The following ZBTB8A variants were observed in gnomAD, a reference collection of about 807,000 sequenced individuals.
ZBTB8A encodes zinc finger and BTB domain containing 8A, also known as zinc finger and BTB domain-containing protein 8A.
In ZBTB8A, 19 loss-of-function variants were observed where a neutral mutation model predicts 37.8. That is an observed-to-expected ratio of 0.50 (90% CI 0.35 to 0.74). The LOEUF (loss-of-function observed/expected upper bound fraction) is 0.74. ZBTB8A is among the 30% of genes least tolerant of loss of function. The pLI, the probability that ZBTB8A is intolerant of heterozygous loss-of-function variation, is 0.01. For missense variants in ZBTB8A, 394 were observed against 537.8 expected (o/e 0.73, Z 2.65); for synonymous variants, 181 against 185.2 (o/e 0.98, Z 0.19).
intron 2 of ZBTB8A, among the ~76,000 whole-genome samples, chr1:32,555,280 A>T (rs1644192591): frequency 6.6e-6 from 1 of 151,986 alleles, no homozygotes; most frequent in South Asian, 2.1e-4. Flanking sequence ...TCCCAGCTAC[A>T]TGGGAGGCTG....
At chr1:32,563,430 C>A (rs371563640) in intron 2 of ZBTB8A, among the ~76,000 whole-genome samples, 7 of 152,114 alleles carry the variant, frequency 4.6e-5, no homozygotes, top group African/African-American at 7.2e-5. Flanking sequence ...CCTTTTCCCC[C>A]CTAGGGCTGA....
Position 32,591,629 on chromosome 1 carries a change from T to C in ZBTB8A, c.-1-1302T>C, listed in dbSNP as rs139900971. Among the ~76,000 whole-genome samples the C allele has an allele frequency of 1.7e-3, 252 of 152,210 alleles. 1 individual carries two copies. Among genetic ancestry groups the C allele is most frequent in the African/African-American group, 5.7e-3 (238 of 41,538 alleles). On this transcript the variant is annotated intron_variant, in intron 2 of 4. Transcript: ENST00000373510. Reference sequence around the variant, plus strand: ...AGAAGGCCTGATTTATTGAAGATGCTTGGCTGGATGCAGTGGCTCATGCCT... The same window carrying C: ...AGAAGGCCTGATTTATTGAAGATGCCTGGCTGGATGCAGTGGCTCATGCCT...
At chr1:32,547,828 C>CAAAAAAAAAAAAAAAAAAAAAAAAAAAAA in intron 1 of ZBTB8A, among the ~76,000 whole-genome samples, 1 of 30,478 alleles carries the variant, frequency 3.3e-5, no homozygotes, top group Non-Finnish European at 5.9e-5. Flanking sequence ...ACAAACAAAG[C>CAAAAAAAAAAAAAAAAAAAAAAAAAAAAA]AAAAAAAAAA....
intron 2 of ZBTB8A, among the ~76,000 whole-genome samples, chr1:32,557,099 C>T (rs992289005): frequency 3.9e-5 from 6 of 151,940 alleles, no homozygotes; most frequent in South Asian, 2.1e-4. Flanking sequence ...GTCAGGAGTT[C>T]GAGAACAGCC....
intron 2 of ZBTB8A, among the ~76,000 whole-genome samples, chr1:32,555,924 T>G (rs978152531): frequency 1.3e-5 from 2 of 151,998 alleles, no homozygotes; most frequent in Non-Finnish European, 2.9e-5. Flanking sequence ...TTTAATTTTT[T>G]TTTTTTGAGA....
chr1:32,579,957 C>T (rs938204146), intron 2 of ZBTB8A, among the ~76,000 whole-genome samples: 6 of 152,160 alleles, frequency 3.9e-5, no homozygotes, highest in African/African-American at 9.7e-5. Flanking sequence ...AATATTCACA[C>T]GTTGTAGTTA....
chr1:32,541,267 C>T (rs1644050859), intron 1 of ZBTB8A, among the ~76,000 whole-genome samples: 1 of 152,198 alleles, frequency 6.6e-6, no homozygotes, highest in Non-Finnish European at 1.5e-5. Context: ...CTTACAAGCA[C>T]CTGGTCTCAC....
intron 1 of ZBTB8A, among the ~76,000 whole-genome samples, chr1:32,549,663 G>A (rs757456147): frequency 1.3e-5 from 2 of 152,048 alleles, no homozygotes; most frequent in Non-Finnish European, 2.9e-5. Context: ...CTAGGAGTTC[G>A]AGTTTACGGT....
chr1:32,583,778 C>T (rs951961059), intron 2 of ZBTB8A, among the ~76,000 whole-genome samples: 1 of 152,026 alleles, frequency 6.6e-6, no homozygotes, highest in Non-Finnish European at 1.5e-5. Context: ...GAGTCTCACT[C>T]TGTCACCCAG....
At position 32,581,468 on chromosome 1, in the gene ZBTB8A, C is replaced by T. The variant is rs1644406546; in HGVS notation, c.-1-11463C>T. On this transcript the variant is annotated intron_variant, in intron 2 of 4. Coordinates refer to ENST00000373510, the MANE Select transcript of ZBTB8A (RefSeq NM_001040441.3). ...CCAGGTTCAAGCGATTCTTCTGCCT[C>T]AGCCTCCCAAGTAGCTGGGATTACA... 2.7e-5 allele frequency among the ~76,000 whole-genome samples: 4 copies of T among 150,392 alleles called. No individual in the cohort carries two copies. The South Asian group carries it at 8.3e-4, about 31-fold the overall frequency.
chr1:32,555,632 C>G (rs1209880315), intron 2 of ZBTB8A, among the ~76,000 whole-genome samples: 2 of 152,134 alleles, frequency 1.3e-5, no homozygotes, highest in Non-Finnish European at 2.9e-5. Context: ...CCTCCAGGTT[C>G]CCCTCTCAGC....
chr1:32,570,655 G>A (rs1644316408), intron 2 of ZBTB8A, among the ~76,000 whole-genome samples: 1 of 152,024 alleles, frequency 6.6e-6, no homozygotes, highest in Admixed American at 6.6e-5. Flanking sequence ...AGCATTTTTG[G>A]TGCTCTTACG....
At chr1:32,544,852 G>C (rs1644089946) in intron 1 of ZBTB8A, among the ~76,000 whole-genome samples, 3 of 152,160 alleles carry the variant, frequency 2.0e-5, no homozygotes, top group East Asian at 3.8e-4. Context: ...TTATGGCCGA[G>C]TTACATTCCA....
intron 2 of ZBTB8A, among the ~76,000 whole-genome samples, chr1:32,567,943 C>G (rs1269520857): frequency 6.6e-6 from 1 of 151,712 alleles, no homozygotes; most frequent in African/African-American, 2.4e-5. Flanking sequence ...AGTTTGAGAC[C>G]AGCCTGGCTA....
intron 2 of ZBTB8A, among the ~76,000 whole-genome samples, chr1:32,573,237 ATTT>A (rs35060623): frequency 7.8e-6 from 1 of 128,490 alleles, no homozygotes. Context: ...CACCCGGCTA[ATTT>A]TTTTTTTTTT....
chr1:32,557,628 G>A (rs975337614), intron 2 of ZBTB8A, among the ~76,000 whole-genome samples: 4 of 149,150 alleles, frequency 2.7e-5, no homozygotes, highest in Admixed American at 6.6e-5. Context: ...TACCCAGCTA[G>A]TTTTTATATT....
intron 1 of ZBTB8A, among the ~76,000 whole-genome samples, chr1:32,547,903 G>A (rs2148214076): frequency 6.6e-6 from 1 of 150,624 alleles, no homozygotes; most frequent in Non-Finnish European, 1.5e-5. Context: ...GGAGGCCGAG[G>A]CAGGTGGATC....
intron 2 of ZBTB8A, among the ~76,000 whole-genome samples, chr1:32,555,023 T>C (rs1055987542): frequency 6.6e-6 from 1 of 152,154 alleles, no homozygotes; most frequent in African/African-American, 2.4e-5. Context: ...AATTCTGACC[T>C]CCCACAGCTG....
At chr1:32,596,517 G>T (rs1644532984) in intron 4 of ZBTB8A, among the ~76,000 whole-genome samples, 2 of 151,976 alleles carry the variant, frequency 1.3e-5, no homozygotes, top group Admixed American at 1.3e-4. Flanking sequence ...GGAAGTGGAG[G>T]TTACAGTGAG....
Sources: gnomAD v4.1 joint callset for allele counts (sites outside exome capture counted in the v4.1 genomes callset) on GRCh38, gnomAD v4.1.1 for gene constraint, MANE v1.5 for transcripts, NCBI Gene and HGNC (gene_info 2026-07-23, HGNC 2026-07-21) for gene names.